Variants in FMN2 observed in about 807,000 individuals in gnomAD.
The protein encoded by FMN2 is formin 2, also known as formin-2.
A neutral mutation model predicts 142.3 loss-of-function variants in FMN2; 51 were observed. The ratio of observed to expected loss-of-function variants is 0.36; its 90% CI spans 0.29 to 0.45. The LOEUF (loss-of-function observed/expected upper bound fraction) is 0.45. Among genes scored for constraint, FMN2 ranks in the 20% least tolerant of loss-of-function variants. The pLI is 1.00. For synonymous variants in FMN2, 882 were observed against 869.8 expected (o/e 1.01, Z -0.25); for missense variants, 1,936 against 2,122.8 (o/e 0.91, Z 1.73).
intron 7 of FMN2, among the ~76,000 whole-genome samples, chr1:240,287,281 C>T (rs1256138030): frequency 6.6e-6 from 1 of 152,184 alleles, no homozygotes; most frequent in African/African-American, 2.4e-5. Flanking sequence ...TGCTTCTGAT[C>T]TCTGCTACAT....
At chr1:240,143,390 T>C in intron 2 of FMN2, 1 of 1,426,962 alleles carries the variant, frequency 7.0e-7, no homozygotes, top group East Asian at 2.3e-5. Context: ...TCTGCACCAA[T>C]CTCCCCCACA....
In FMN2 at chr1:240,178,071, A is replaced by C; in HGVS notation, c.1930+3A>C. ...CAGGCTCGAGGATGCTGAAACAGGTAACCCTTTCCTTTGTCTTCAGAGATA... is the reference window on the plus strand; with the variant it reads ...CAGGCTCGAGGATGCTGAAACAGGTCACCCTTTCCTTTGTCTTCAGAGATA... On this transcript the variant is annotated splice_donor_region_variant and intron_variant, in intron 3 of 17. Transcript: ENST00000319653. The C allele has an allele frequency of 6.3e-7, 1 of 1,580,204 alleles. No homozygotes were observed. The highest frequency in any genetic ancestry group is 1.2e-5 in the South Asian group (1 of 84,052).
chr1:240,303,633 G>A (rs1670280872), intron 8 of FMN2, among the ~76,000 whole-genome samples: 1 of 152,070 alleles, frequency 6.6e-6, no homozygotes, highest in Non-Finnish European at 1.5e-5. Context: ...AATGTATCTC[G>A]ATGTAGGGCT....
chr1:240,349,494 C>CA (rs35618215), intron 13 of FMN2, among the ~76,000 whole-genome samples: 21,973 of 149,222 alleles, frequency 0.15, 1,724 homozygotes, highest in African/African-American at 0.2. Flanking sequence ...ATTCCCTACT[C>CA]AAAAAAAAAA....
intron 8 of FMN2, among the ~76,000 whole-genome samples, chr1:240,297,594 CAAAAA>C (rs57504077): frequency 2.3e-3 from 204 of 88,780 alleles, no homozygotes; most frequent in African/African-American, 5.8e-3. Context: ...GACTCCATCT[CAAAAA>C]AAAAAAAAAA....
At position 240,092,400 on chromosome 1, in the gene FMN2, A is replaced by C; in HGVS notation, c.291A>C (p.Val97=). Residue 97 remains valine, a synonymous_variant, in exon 1 of 18, where the codon GTA becomes GTC. Transcript: ENST00000319653. ...GKGAGGSRED[V]LDSQALQTGE... ...GCGCCGGCGGCTCCCGCGAAGATGT[A>C]CTGGATTCCCAGGCCCTGCAGACCG... is the stretch of plus-strand genomic sequence containing the variant. The C allele has an allele frequency of 6.2e-7, 1 of 1,612,710 alleles. No homozygotes were observed.
intron 2 of FMN2, among the ~76,000 whole-genome samples, chr1:240,132,693 C>T (rs905551594): frequency 8.5e-5 from 13 of 152,102 alleles, no homozygotes; most frequent in African/African-American, 3.1e-4. Context: ...GCTGATACCC[C>T]TGGGTGATAC....
Position 240,196,642 on chromosome 1 carries a change from G to A in FMN2, c.1986+8380G>A, listed in dbSNP as rs1470229729. Among the ~76,000 whole-genome samples, 3 of 152,114 alleles carry A rather than the reference G, an allele frequency of 2.0e-5. 1 individual carries two copies. The highest frequency in any genetic ancestry group is 2.0e-4 in the Admixed American group (3 of 15,274). On this transcript the variant is annotated intron_variant, in intron 4 of 17. Transcript: ENST00000319653. ...TTCTCCTTCCTCAGCCTCCCTAGTA[G>A]CTGGGATTACAGGCACCTGCCACCA...
chr1:240,419,641 G>A (rs1451878322), intron 15 of FMN2, among the ~76,000 whole-genome samples: 3 of 152,192 alleles, frequency 2.0e-5, no homozygotes, highest in Non-Finnish European at 2.9e-5. Context: ...AGACATCTGA[G>A]TATTTCCCTT....
At chr1:240,391,470 G>A (rs578084191) in intron 14 of FMN2, among the ~76,000 whole-genome samples, 1 of 152,214 alleles carries the variant, frequency 6.6e-6, no homozygotes, top group South Asian at 2.1e-4. Flanking sequence ...GCTCCACTGT[G>A]TCTCCTAAGT....
chr1:240,196,015 C>A lies in FMN2; in HGVS notation c.1986+7753C>A, dbSNP rs550517792. 2.9e-3 allele frequency among the ~76,000 whole-genome samples: 440 copies of A among 152,194 alleles called. 1 individual carries two copies. The highest frequency in any genetic ancestry group is 4.4e-3 in the African/African-American group (183 of 41,498). On this transcript the variant is annotated intron_variant, in intron 4 of 17. Coordinates refer to ENST00000319653, the MANE Select transcript of FMN2 (RefSeq NM_020066.5). Reference sequence around the variant, plus strand: ...AGAATGAGACCCTGTCTTGAAAAAACCAAAACAAGACAAAAACCCAACATT... The same window carrying A: ...AGAATGAGACCCTGTCTTGAAAAAAACAAAACAAGACAAAAACCCAACATT...
At chr1:240,223,095 C>T in intron 6 of FMN2, among the ~76,000 whole-genome samples, 1 of 152,136 alleles carries the variant, frequency 6.6e-6, no homozygotes, top group East Asian at 1.9e-4. Flanking sequence ...ATCTTCTGCC[C>T]ATTCAGTATG....
At chr1:240,171,294 A>G (rs1664692703) in intron 2 of FMN2, 2 of 727,580 alleles carry the variant, frequency 2.7e-6, no homozygotes, top group Non-Finnish European at 5.1e-6. Flanking sequence ...TGAAGATTTA[A>G]TTCAAAAGAG....
intron 6 of FMN2, among the ~76,000 whole-genome samples, chr1:240,214,595 A>G (rs140023939): frequency 2.6e-5 from 4 of 151,980 alleles, no homozygotes; most frequent in Admixed American, 6.5e-5. Context: ...GTGATCTCTT[A>G]TGATGTTCAT....
intron 1 of FMN2, among the ~76,000 whole-genome samples, chr1:240,099,739 T>TCTTTTCCAGCCAGACCTTA: frequency 6.6e-6 from 1 of 152,208 alleles, no homozygotes; most frequent in Non-Finnish European, 1.5e-5. Flanking sequence ...CCTCTTTGTA[T>TCTTTTCCAGCCAGACCTTA]CTTTTCCAGC....
chr1:240,214,626 T>G (rs1266028017), intron 6 of FMN2, among the ~76,000 whole-genome samples: 1 of 152,094 alleles, frequency 6.6e-6, no homozygotes, highest in African/African-American at 2.4e-5. Context: ...TCACACACAT[T>G]CACACTTGCC....
rs532329587 is a variant in FMN2 at position 240,219,867 on chromosome 1, C to T, written c.4065+8632C>T. 2.6e-5 allele frequency among the ~76,000 whole-genome samples: 4 copies of T among 152,092 alleles called. No individual in the cohort carries two copies. In the South Asian group the frequency reaches 6.2e-4, roughly 24 times the overall value. ...AGGGACGGGGAGTCGCCATGTTGCCCATGCTGGTCTTGTACTCCTGGGCTC... is the reference window on the plus strand; with the variant it reads ...AGGGACGGGGAGTCGCCATGTTGCCTATGCTGGTCTTGTACTCCTGGGCTC... On this transcript the variant is annotated intron_variant, in intron 6 of 17. Transcript: ENST00000319653.
intron 15 of FMN2, among the ~76,000 whole-genome samples, chr1:240,405,918 C>G (rs1314622782): frequency 1.3e-5 from 2 of 152,124 alleles, no homozygotes; most frequent in African/African-American, 4.8e-5. Context: ...AATTACATTA[C>G]ACGCCCAAAG....
At chr1:240,464,025 G>A (rs2103233777) in intron 16 of FMN2, among the ~76,000 whole-genome samples, 1 of 152,214 alleles carries the variant, frequency 6.6e-6, no homozygotes, top group Admixed American at 6.5e-5. Context: ...AAAAATTAGG[G>A]ATTAGGGACT....
Sources: allele counts gnomAD v4.1 joint callset (sites outside exome capture counted in the v4.1 genomes callset), GRCh38; gene constraint gnomAD v4.1.1; transcripts MANE v1.5; gene names NCBI Gene and HGNC (gene_info 2026-07-23, HGNC 2026-07-21).